The following PPARD variants were observed in gnomAD, a reference collection of about 807,000 sequenced individuals.
The protein encoded by PPARD is peroxisome proliferator activated receptor delta, also known as peroxisome proliferator-activated receptor delta.
A neutral mutation model predicts 39.5 loss-of-function variants in PPARD; 6 were observed. The observed-to-expected ratio is 0.15, with a 90% confidence interval of 0.08 to 0.30. The LOEUF is 0.30. PPARD is among the 10% of genes least tolerant of loss of function. PPARD has a pLI of 1.00. For missense variants in PPARD, 397 were observed against 596.8 expected (o/e 0.67, Z 3.49); for synonymous variants, 210 against 231.3 (o/e 0.91, Z 0.83).
chr6:35,423,745 A>G lies in PPARD; in HGVS notation c.425-201A>G, dbSNP rs187912048. Among the ~76,000 whole-genome samples, 537 of 148,672 alleles carry G rather than the reference A, an allele frequency of 3.6e-3. 2 individuals are homozygous for G. The highest frequency in any genetic ancestry group is 0.012 in the African/African-American group (499 of 40,302). On this transcript the variant is annotated intron_variant, in intron 5 of 7. Coordinates refer to ENST00000360694, the MANE Select transcript of PPARD (RefSeq NM_006238.5). ...AAAATCACTGCTCTTGCAAAGATACACCAAAAAAAAAAAAAAATCACATCT... is the reference window on the plus strand; with the variant it reads ...AAAATCACTGCTCTTGCAAAGATACGCCAAAAAAAAAAAAAAATCACATCT...
intron 2 of PPARD, among the ~76,000 whole-genome samples, chr6:35,385,646 T>TAAA (rs66948740): frequency 1.0e-5 from 1 of 96,560 alleles, no homozygotes; most frequent in Non-Finnish European, 1.8e-5. Flanking sequence ...TAAATAAATT[T>TAAA]AAAAAAAAAA....
intron 5 of PPARD, among the ~76,000 whole-genome samples, chr6:35,423,322 A>C (rs1766319783): frequency 6.6e-6 from 1 of 152,056 alleles, no homozygotes; most frequent in South Asian, 2.1e-4. Context: ...TGAGGTCAGC[A>C]GTTCAAGACC....
At chr6:35,387,390 A>C (rs995677610) in intron 2 of PPARD, among the ~76,000 whole-genome samples, 2 of 152,056 alleles carry the variant, frequency 1.3e-5, no homozygotes, top group African/African-American at 4.8e-5. Context: ...TCAGCCCCTC[A>C]TTTTAGTTTA....
At chr6:35,370,612 A>C (rs1318145927) in intron 2 of PPARD, among the ~76,000 whole-genome samples, 1 of 152,090 alleles carries the variant, frequency 6.6e-6, no homozygotes, top group Non-Finnish European at 1.5e-5. Flanking sequence ...GCTCCTCTCC[A>C]CACACTTCCT....
At chr6:35,394,415 A>G (rs1466506314) in intron 2 of PPARD, among the ~76,000 whole-genome samples, 1 of 151,926 alleles carries the variant, frequency 6.6e-6, no homozygotes, top group African/African-American at 2.4e-5. Flanking sequence ...TGCTTGTAAA[A>G]CCTTTTTTTA....
chr6:35,347,118 T>C lies in PPARD; in HGVS notation c.-134T>C. 5 of 1,536,134 alleles carry C rather than the reference T, an allele frequency of 3.3e-6. No homozygotes were observed. The highest frequency in any genetic ancestry group is 3.5e-6 in the Non-Finnish European group (4 of 1,146,916). ...GTGATACTCACACAGTGGCTTCTGC[T>C]CACCAACAGATGAAGACAGATGCAC... On this transcript the variant is annotated 5_prime_UTR_variant, in exon 2 of 8. Transcript: ENST00000360694.
intron 2 of PPARD, among the ~76,000 whole-genome samples, chr6:35,356,238 A>G (rs1761607823): frequency 6.6e-6 from 1 of 152,264 alleles, no homozygotes; most frequent in African/African-American, 2.4e-5. Flanking sequence ...GGACCACTTG[A>G]TCCTTATCAC....
Position 35,425,889 on chromosome 6 carries a change from G to A in PPARD, c.1136G>A (p.Arg379His), listed in dbSNP as rs752963884. Residue 379 changes from arginine (R) to histidine (H), a missense_variant, in exon 8 of 8, where the codon CGT (arginine) becomes CAT (histidine). Physicochemically the swap from Arg to His is conservative, Grantham distance 29 (BLOSUM62 0). Coordinates refer to ENST00000360694, the MANE Select transcript of PPARD (RefSeq NM_006238.5). The surrounding 1 kb of genome is among the most constrained non-coding windows in gnomAD (Gnocchi z 4.5). The part of the protein sequence containing the change: ...RVEAIQDTIL[R>H]ALEFHLQANH... ...GAGGCTATCCAGGACACCATCCTGC[G>A]TGCCCTCGAATTCCACCTGCAGGCC... 24 of 1,613,958 alleles carry A rather than the reference G, an allele frequency of 1.5e-5. No individual in the cohort carries two copies. The highest frequency in any genetic ancestry group is 5.0e-5 in the Admixed American group (3 of 60,000).
chr6:35,353,667 G>T (rs1389759407), intron 2 of PPARD, among the ~76,000 whole-genome samples: 1 of 152,148 alleles, frequency 6.6e-6, no homozygotes, highest in Non-Finnish European at 1.5e-5. Flanking sequence ...GAATGGGGAG[G>T]ACAAATTAGA....
chr6:35,420,098 G>A (rs771709633), intron 3 of PPARD, 29 bp from the exon 4 acceptor site: 2 of 1,604,296 alleles, frequency 1.2e-6, no homozygotes, highest in Non-Finnish European at 1.7e-6. Flanking sequence ...GGCAGCATGT[G>A]GAGCTGCCCC....
At chr6:35,343,040 C>A (rs1182725311) in intron 1 of PPARD, among the ~76,000 whole-genome samples, 1 of 152,154 alleles carries the variant, frequency 6.6e-6, no homozygotes. Flanking sequence ...GGCCCGGGGG[C>A]CTCTCCCATT....
chr6:35,389,547 A>G (rs1286145663), intron 2 of PPARD, among the ~76,000 whole-genome samples: 1 of 152,002 alleles, frequency 6.6e-6, no homozygotes, highest in African/African-American at 2.4e-5. Context: ...TCCTGACCCC[A>G]GGTGATCCGC....
At chr6:35,387,538 C>T (rs949160887) in intron 2 of PPARD, among the ~76,000 whole-genome samples, 4 of 151,998 alleles carry the variant, frequency 2.6e-5, no homozygotes, top group Non-Finnish European at 4.4e-5. Context: ...TCCTGGGTAT[C>T]GTTCCTTCCA....
intron 2 of PPARD, among the ~76,000 whole-genome samples, chr6:35,402,762 A>G (rs1764787887): frequency 6.6e-6 from 1 of 152,134 alleles, no homozygotes. Flanking sequence ...CTGGATTGGC[A>G]AATAGTAAGC....
At chr6:35,381,456 A>G (rs1302916157) in intron 2 of PPARD, among the ~76,000 whole-genome samples, 1 of 152,196 alleles carries the variant, frequency 6.6e-6, no homozygotes, top group African/African-American at 2.4e-5. Context: ...TGTGAAAAGA[A>G]ATCTAGGGGG....
At chr6:35,411,244 G>A (rs201567460) in intron 3 of PPARD, 27 bp downstream of exon 3, 3 of 1,472,620 alleles carry the variant, frequency 2.0e-6, no homozygotes, top group East Asian at 2.6e-5. Context: ...CAGGGGACAC[G>A]GGGCAGAGGA....
chr6:35,422,837 T>C (rs918190570), intron 5 of PPARD, among the ~76,000 whole-genome samples: 1 of 152,102 alleles, frequency 6.6e-6, no homozygotes, highest in African/African-American at 2.4e-5. Context: ...ACAACAATTT[T>C]TGAGTGCTTA....
At position 35,370,154 on chromosome 6, in the gene PPARD, G is replaced by T. The variant is rs9470003; in HGVS notation, c.-102+23004G>T. 1.2e-3 allele frequency among the ~76,000 whole-genome samples: 176 copies of T among 152,252 alleles called. No homozygotes were observed. The East Asian group carries it at 0.015, about 13-fold the overall frequency. On this transcript the variant is annotated intron_variant, in intron 2 of 7. Coordinates refer to ENST00000360694, the MANE Select transcript of PPARD (RefSeq NM_006238.5). ...TATTCTCTGACCTGTCAACCAGTTAGTTTGGGAATTGATGCTGTCTGTGTC... is the reference window on the plus strand; with the variant it reads ...TATTCTCTGACCTGTCAACCAGTTATTTTGGGAATTGATGCTGTCTGTGTC...
intron 2 of PPARD, among the ~76,000 whole-genome samples, chr6:35,373,205 C>T (rs756739920): frequency 4.6e-5 from 7 of 152,120 alleles, no homozygotes; most frequent in Non-Finnish European, 7.4e-5. Context: ...CTCTTAATAC[C>T]GTTGTATTGG....
Sources: gnomAD v4.1 joint callset for allele counts (sites outside exome capture counted in the v4.1 genomes callset) on GRCh38, gnomAD v4.1.1 for gene constraint, Gnocchi (gnomAD v3.1) non-coding constraint, MANE v1.5 for transcripts, NCBI Gene and HGNC (gene_info 2026-07-23, HGNC 2026-07-21) for gene names.